LVRN: variants seen among roughly 807,000 people sequenced by gnomAD.
LVRN encodes laeverin.
A neutral mutation model predicts 111.4 loss-of-function variants in LVRN; 99 were observed. The observed-to-expected ratio is 0.89, with a 90% CI of 0.76 to 1.05. The LOEUF is 1.05. Among genes scored for constraint, LVRN ranks in the 50% least tolerant of loss-of-function variants. The probability of loss-of-function intolerance (pLI) is 0.00; values close to 1 mark genes in which losing one functional copy is unlikely to be tolerated. For synonymous variants in LVRN, 488 were observed against 449.5 expected (o/e 1.09, Z -1.08); for missense variants, 1,414 against 1,206.8 (o/e 1.17, Z -2.54).
At chr5:116,009,019 A>G (rs1748434686) in intron 13 of LVRN, among the ~76,000 whole-genome samples, 1 of 152,236 alleles carries the variant, frequency 6.6e-6, no homozygotes, top group Non-Finnish European at 1.5e-5. Flanking sequence ...GGACAAGTCA[A>G]TGCCTGGCTT....
chr5:116,003,635 G>A (rs1248215591), intron 12 of LVRN, among the ~76,000 whole-genome samples: 1 of 148,422 alleles, frequency 6.7e-6, no homozygotes, highest in East Asian at 2.0e-4. Context: ...AGGCTGGAGT[G>A]CAGTGACGCG....
At chr5:115,974,572 C>G (rs1020128673) in intron 1 of LVRN, 1 of 152,414 alleles carries the variant, frequency 6.6e-6, no homozygotes, top group Non-Finnish European at 1.5e-5. Context: ...TGTTGATGTG[C>G]CTCGTGTCTC....
At chr5:115,974,500 A>G (rs1322821765) in intron 1 of LVRN, 1 of 152,304 alleles carries the variant, frequency 6.6e-6, no homozygotes, top group African/African-American at 2.4e-5. Context: ...AACACTTTTC[A>G]ATAAAAGATC....
chr5:115,973,780 T>A (rs999169074), intron 1 of LVRN, among the ~76,000 whole-genome samples: 1 of 152,180 alleles, frequency 6.6e-6, no homozygotes, highest in Non-Finnish European at 1.5e-5. Context: ...GAAATTTGTG[T>A]CTTCTCTCTT....
At chr5:115,975,312 C>G in intron 1 of LVRN, 1 of 320,480 alleles carries the variant, frequency 3.1e-6, no homozygotes, top group African/African-American at 2.2e-5. Context: ...TATTCATTTG[C>G]AGATCATCCA....
At chr5:115,990,285 C>T (rs1445377578) in intron 4 of LVRN, among the ~76,000 whole-genome samples, 1 of 152,104 alleles carries the variant, frequency 6.6e-6, no homozygotes, top group African/African-American at 2.4e-5. Flanking sequence ...TTTCCTATGC[C>T]TATACCAATA....
At chr5:116,018,451 T>C (rs1299104383) in intron 18 of LVRN, among the ~76,000 whole-genome samples, 1 of 152,160 alleles carries the variant, frequency 6.6e-6, no homozygotes, top group African/African-American at 2.4e-5. Flanking sequence ...GGCAGGCAGA[T>C]CACCTGAGGT....
In LVRN at chr5:115,999,782, C is replaced by T. The variant is rs773118043; in HGVS notation, c.1395C>T (p.Asn465=). The T allele has an allele frequency of 1.2e-6, 2 of 1,612,310 alleles. No individual in the cohort carries two copies. Among genetic ancestry groups the T allele is most frequent in the East Asian group, 4.5e-5 (2 of 44,842 alleles). Residue 465 remains asparagine, a synonymous_variant, in exon 7 of 20, where the codon AAC becomes AAT. Coordinates refer to ENST00000357872, the MANE Select transcript of LVRN (RefSeq NM_173800.5). ...KLPRNEIFFS[N]ILHNILREDH... ...TATAGAATGAGATCTTTTTTTCTAACATTTTACATAATATCCTCAGAGAAG... is the reference window on the plus strand; with the variant it reads ...TATAGAATGAGATCTTTTTTTCTAATATTTTACATAATATCCTCAGAGAAG...
At chr5:115,996,763 A>G (rs1453316464) in intron 6 of LVRN, among the ~76,000 whole-genome samples, 1 of 152,140 alleles carries the variant, frequency 6.6e-6, no homozygotes, top group Non-Finnish European at 1.5e-5. Context: ...GCCTGATCTA[A>G]GAAAGCAGCA....
intron 18 of LVRN, chr5:116,021,801 ATT>A: frequency 1.4e-5 from 5 of 357,866 alleles, no homozygotes; most frequent in South Asian, 4.4e-5. Context: ...CTATTTTAAG[ATT>A]TTTTTTTTTC....
chr5:115,975,672 A>G (rs1035248529), intron 1 of LVRN: 2 of 154,930 alleles, frequency 1.3e-5, no homozygotes, highest in African/African-American at 4.8e-5. Flanking sequence ...AATATTTTCC[A>G]TAACTTCAGA....
chr5:115,966,265 C>A (rs1393020493), intron 1 of LVRN, among the ~76,000 whole-genome samples: 1 of 152,166 alleles, frequency 6.6e-6, no homozygotes, highest in Non-Finnish European at 1.5e-5. Context: ...CTAATCCGTT[C>A]CATCTTTGTA....
chr5:115,983,646 T>G lies in LVRN; in HGVS notation c.838+217T>G, dbSNP rs10477548. ...GTATAAGAAGCTGAGGATATTACAC[T>G]GTTCTTATAAATGGGCAGTCTGCCT... On this transcript the variant is annotated intron_variant, in intron 2 of 19. Transcript: ENST00000357872. Among the ~76,000 whole-genome samples the G allele has an allele frequency of 5.8e-3, 879 of 152,302 alleles. 7 individuals are homozygous for G. The highest frequency in any genetic ancestry group is 0.02 in the African/African-American group (844 of 41,568).
At chr5:116,008,950 C>T (rs1456415630) in intron 13 of LVRN, among the ~76,000 whole-genome samples, 2 of 152,186 alleles carry the variant, frequency 1.3e-5, no homozygotes, top group Non-Finnish European at 2.9e-5. Flanking sequence ...ACAGGTTTTT[C>T]CATATGAAAC....
intron 12 of LVRN, 109 bp downstream of exon 12, chr5:116,003,489 C>A (rs1450785600): frequency 4.5e-6 from 3 of 665,212 alleles, no homozygotes; most frequent in South Asian, 4.3e-5. Flanking sequence ...ATTCCCGCCC[C>A]TCACCTCCAG....
chr5:115,987,613 CG>C (rs1747894730), intron 3 of LVRN, among the ~76,000 whole-genome samples, 199 bp from the exon 4 acceptor site: 1 of 152,098 alleles, frequency 6.6e-6, no homozygotes, highest in Non-Finnish European at 1.5e-5. Context: ...AACACACTTT[CG>C]GGGGAATCAC....
rs780934473 is a variant in LVRN at position 115,992,237 on chromosome 5, C to T, written c.1220C>T (p.Thr407Ile). 3.7e-6 allele frequency: 6 copies of T among 1,613,904 alleles called. No individual in the cohort carries two copies. In the East Asian group the frequency reaches 6.7e-5, roughly 18 times the overall value. ...EPKDQLTEKK[T>I]LISYVVSHEI... is the part of the protein sequence containing the mutation. ...AAAGATCAACTGACAGAAAAAAAGA[C>T]TCTGATCTCCTATGTTGTCTCCCAC... Residue 407 changes from threonine (T) to isoleucine (I), a missense_variant, in exon 5 of 20, where the codon ACT becomes ATT. Physicochemically the swap from Thr to Ile is moderately conservative, Grantham distance 89 (BLOSUM62 -1). Coordinates refer to ENST00000357872, the MANE Select transcript of LVRN (RefSeq NM_173800.5).
At chr5:116,015,579 CTT>C (rs1373782258) in intron 17 of LVRN, 47 bp from the exon 18 acceptor site, 3 of 1,566,730 alleles carry the variant, frequency 1.9e-6, no homozygotes, top group Non-Finnish European at 2.6e-6. Flanking sequence ...TAAATTAACT[CTT>C]TATGTTGGAT....
rs1374970030 is a variant in LVRN, at chr5:116,010,772, G to A, written c.2125G>A (p.Glu709Lys). The A allele has an allele frequency of 1.2e-6, 2 of 1,605,624 alleles. No homozygotes were observed. Among genetic ancestry groups the A allele is most frequent in the East Asian group, 2.2e-5 (1 of 44,720 alleles). The change falls in exon 14 of 20, where the codon GAG (glutamate) becomes AAG (lysine). Residue 709 changes from glutamate (E) to lysine (K), a missense_variant. Coordinates refer to ENST00000357872, the MANE Select transcript of LVRN (RefSeq NM_173800.5). ...TTATATTGAGATTGAAACAGCACTTGAGTTAACCAAGTACCTTGCTGAAGA... is the reference window on the plus strand; with the variant it reads ...TTATATTGAGATTGAAACAGCACTTAAGTTAACCAAGTACCTTGCTGAAGA... Reference protein sequence around the residue: ...NNYIEIETALELTKYLAEEDE... With the variant: ...NNYIEIETALKLTKYLAEEDE...
Sources: allele counts gnomAD v4.1 joint callset (sites outside exome capture counted in the v4.1 genomes callset), GRCh38; gene constraint gnomAD v4.1.1; transcripts MANE v1.5; gene names NCBI Gene and HGNC (gene_info 2026-07-23, HGNC 2026-07-21).